Variants in WFS1 observed in about 807,000 individuals in gnomAD.
The protein encoded by WFS1 is wolframin.
Under a neutral mutation model 68.5 loss-of-function variants are expected in WFS1, and 90 were observed. The observed-to-expected ratio is 1.31, with a 90% CI of 1.11 to 1.56. The LOEUF (loss-of-function observed/expected upper bound fraction) is 1.56, where lower values mean the gene tolerates loss of function less well. Among genes scored for constraint, WFS1 ranks in the 40% most tolerant of loss-of-function variants. The probability of loss-of-function intolerance (pLI) is 0.00; values close to 1 mark genes in which losing one functional copy is unlikely to be tolerated. For missense variants in WFS1, 1,767 were observed against 1,232.6 expected, an observed-to-expected ratio of 1.43 and a Z score of -6.49; for synonymous variants, 860 against 540.7, an observed-to-expected ratio of 1.59 and a Z score of -8.19.
chr4:6,272,708 G>T (rs1192259902), intron 1 of WFS1, among the ~76,000 whole-genome samples: 2 of 152,204 alleles, frequency 1.3e-5, no homozygotes, highest in Non-Finnish European at 2.9e-5. Flanking sequence ...CCGCGCATAA[G>T]CTTTATCCCC....
At chr4:6,297,941 C>A (rs901364567) in intron 7 of WFS1, among the ~76,000 whole-genome samples, 2 of 152,144 alleles carry the variant, frequency 1.3e-5, no homozygotes, top group Non-Finnish European at 2.9e-5. Context: ...CCACACTGTC[C>A]AAGCAGAGGC....
rs60400870 is a variant in WFS1 at position 6,276,677 on chromosome 4, C to T, written c.-5-774C>T. ...ATATTTACTTAACTTTACTCAGTAC[C>T]AGCGTATTAGTTTTCTAGGGCTTCC... On this transcript the variant is annotated intron_variant, in intron 1 of 7. Transcript: ENST00000226760. Among the ~76,000 whole-genome samples the T allele has an allele frequency of 2.0e-3, 298 of 152,300 alleles. 2 individuals carry two copies. Among genetic ancestry groups the T allele is most frequent in the African/African-American group, 6.8e-3 (284 of 41,570 alleles).
chr4:6,288,734 A>G, intron 3 of WFS1: 1 of 546,548 alleles, frequency 1.8e-6, no homozygotes, highest in Admixed American at 2.7e-5. Flanking sequence ...CTGTACCAGT[A>G]CCAGTCGGAG....
intron 6 of WFS1, 27 bp downstream of exon 6, chr4:6,292,024 C>G (rs1180220166): frequency 6.3e-7 from 1 of 1,577,436 alleles, no homozygotes; most frequent in Non-Finnish European, 8.6e-7. Context: ...CCCCGTCTCA[C>G]CCATGCCTCC....
rs71539646 is a variant in WFS1 at position 6,301,103 on chromosome 4, C to T, written c.1308C>T (p.Thr436=). ...CIPCSELAVI[T]GFFTVTSYLS... Reference sequence around the variant, plus strand: ...CCTGCTCGGAGCTGGCTGTCATCACCGGCTTCTTTACCGTGACCAGCTACC... The same window carrying T: ...CCTGCTCGGAGCTGGCTGTCATCACTGGCTTCTTTACCGTGACCAGCTACC... Residue 436 remains threonine, a synonymous_variant, in exon 8 of 8, where the codon ACC becomes ACT. Transcript: ENST00000226760. 15,745 of 1,613,876 alleles carry T rather than the reference C, an allele frequency of 9.8e-3. 102 individuals carry two copies. The highest frequency in any genetic ancestry group is 0.012 in the Non-Finnish European group (13,577 of 1,180,028).
intron 5 of WFS1, 73 bp from the exon 6 acceptor site, chr4:6,291,842 CCA>C: frequency 1.3e-6 from 2 of 1,486,348 alleles, no homozygotes; most frequent in Non-Finnish European, 1.8e-6. Context: ...GAACAGTGCG[CCA>C]GTTTCTGGTG....
rs1289862156 is a variant in WFS1 at position 6,301,709 on chromosome 4, G to A, written c.1914G>A (p.Val638=). The A allele has an allele frequency of 1.2e-6, 2 of 1,614,084 alleles. No homozygotes were observed. Among genetic ancestry groups the A allele is most frequent in the South Asian group, 1.1e-5 (1 of 91,084 alleles). Residue 638 remains valine, a synonymous_variant, in exon 8 of 8, where the codon GTG becomes GTA. Transcript: ENST00000226760. ...TRSSMVKLIL[V]WLTAIVLFCW... ...GCTCCATGGTCAAGCTCATCCTGGT[G>A]TGGCTCACGGCCATCGTGCTGTTCT...
intron 6 of WFS1, 54 bp downstream of exon 6, chr4:6,292,051 G>GCT: frequency 6.6e-7 from 1 of 1,520,016 alleles, no homozygotes; most frequent in African/African-American, 1.4e-5. Flanking sequence ...GCACCTGCAG[G>GCT]GCGACCTCTC....
Position 6,301,473 on chromosome 4 carries a change from T to A in WFS1, c.1678T>A (p.Ser560Thr). The A allele has an allele frequency of 6.2e-7, 1 of 1,612,998 alleles. No homozygotes were observed. The highest frequency in any genetic ancestry group is 1.7e-5 in the Admixed American group (1 of 60,030). The change falls in exon 8 of 8, where the codon TCC becomes ACC. Residue 560 changes from serine (S) to threonine (T), a missense_variant. Ser to Thr is a moderately conservative substitution (Grantham distance 58, BLOSUM62 1). Transcript: ENST00000226760. ...ESTGLGLLRA[S>T]IGYFLFLFAL... The stretch of plus-strand genomic sequence containing the variant: ...CACCGGCCTGGGGCTGCTCCGCGCC[T>A]CCATCGGCTACTTCCTCTTCCTCTT...
chr4:6,294,892 C>A, intron 6 of WFS1, 149 bp from the exon 7 acceptor site: 2 of 1,343,328 alleles, frequency 1.5e-6, no homozygotes, highest in Non-Finnish European at 1.0e-6. Context: ...AACCCTCAGG[C>A]CGCCCAGGGA....
intron 7 of WFS1, among the ~76,000 whole-genome samples, chr4:6,297,956 C>T (rs73795957): frequency 5.9e-5 from 9 of 152,268 alleles, no homozygotes; most frequent in East Asian, 3.9e-4. Flanking sequence ...AGAGGCTAGA[C>T]GCCATCCAAC....
chr4:6,300,893 G>T lies in WFS1; in HGVS notation c.1098G>T (p.Gln366His). 1 of 1,614,132 alleles carries T rather than the reference G, an allele frequency of 6.2e-7. No homozygotes were observed. The highest frequency in any genetic ancestry group is 8.5e-7 in the Non-Finnish European group (1 of 1,180,030). The change falls in exon 8 of 8, where the codon CAG becomes CAT. Residue 366 changes from glutamine to histidine, a missense_variant. Transcript: ENST00000226760. ...TGATCTGCACCCTCAAGGTGTTCCA[G>T]GACAGCAAGGCCTGGGAGAACTTCC... ...SMVICTLKVFQDSKAWENFRT... is the reference protein window; with the variant it reads ...SMVICTLKVFHDSKAWENFRT...
At chr4:6,291,882 C>T (rs1361174703) in intron 5 of WFS1, 35 bp from the exon 6 acceptor site, 29 of 1,588,254 alleles carry the variant, frequency 1.8e-5, no homozygotes, top group Non-Finnish European at 2.1e-5. Context: ...AGATAGTCAA[C>T]TTGTCTGACT....
chr4:6,274,705 G>C (rs1450305135), intron 1 of WFS1, among the ~76,000 whole-genome samples: 1 of 152,088 alleles, frequency 6.6e-6, no homozygotes, highest in Non-Finnish European at 1.5e-5. Flanking sequence ...GGGGAGGGGG[G>C]TAAGAAGGCA....
chr4:6,288,257 C>G (rs753954072), intron 3 of WFS1, among the ~76,000 whole-genome samples: 1 of 151,986 alleles, frequency 6.6e-6, no homozygotes. Context: ...ACCTCACAGC[C>G]ATATTGTACT....
intron 4 of WFS1, 37 bp from the exon 5 acceptor site, chr4:6,291,160 G>C: frequency 6.2e-7 from 1 of 1,608,626 alleles, no homozygotes; most frequent in Non-Finnish European, 8.5e-7. Context: ...AGCCTAGGCA[G>C]GGCACACAAG....
intron 2 of WFS1, among the ~76,000 whole-genome samples, chr4:6,281,977 A>T (rs1002117544): frequency 6.6e-6 from 1 of 152,152 alleles, no homozygotes; most frequent in Non-Finnish European, 1.5e-5. Flanking sequence ...ACTGTGGGTG[A>T]TGTCTACAGT....
intron 1 of WFS1, among the ~76,000 whole-genome samples, chr4:6,270,568 C>T (rs564712811): frequency 7.2e-5 from 11 of 152,284 alleles, no homozygotes; most frequent in South Asian, 2.1e-4. Flanking sequence ...AGCGCTGTGG[C>T]AGTTCCTCTC....
chr4:6,296,868 A>G (rs1730652391), intron 7 of WFS1, among the ~76,000 whole-genome samples: 1 of 152,246 alleles, frequency 6.6e-6, no homozygotes, highest in Non-Finnish European at 1.5e-5. Context: ...TCTGTTGCAC[A>G]GGCTGGAGTG....
Sources: allele counts gnomAD v4.1 joint callset (sites outside exome capture counted in the v4.1 genomes callset), GRCh38; gene constraint gnomAD v4.1.1; transcripts MANE v1.5; gene names NCBI Gene and HGNC (gene_info 2026-07-23, HGNC 2026-07-21).